ZFHX3: variants seen among roughly 807,000 people sequenced by gnomAD.
ZFHX3 encodes the protein zinc finger homeobox 3, also known as zinc finger homeobox protein 3.
In ZFHX3, 42 loss-of-function variants were observed where a neutral mutation model predicts 279.1. The observed-to-expected ratio is 0.15, with a 90% CI of 0.12 to 0.19. ZFHX3 has a LOEUF of 0.19. Among genes scored for constraint, ZFHX3 ranks in the 10% least tolerant of loss-of-function variants. The pLI is 1.00. For synonymous variants in ZFHX3, 2,293 were observed against 1,957.8 expected, an observed-to-expected ratio of 1.17 and a Z score of -4.52; for missense variants, 4,981 against 4,754.0, an observed-to-expected ratio of 1.05 and a Z score of -1.40.
At chr16:73,600,480 C>T (rs2052100933) in intron 2 of ZFHX3, among the ~76,000 whole-genome samples, 1 of 148,946 alleles carries the variant, frequency 6.7e-6, no homozygotes, top group South Asian at 2.1e-4. Context: ...TGCAGTGGCG[C>T]AATCTCCACT....
chr16:73,212,737 C>T (rs539636765), intron 5 of ZFHX3, among the ~76,000 whole-genome samples: 2 of 152,210 alleles, frequency 1.3e-5, no homozygotes, highest in Non-Finnish European at 2.9e-5. Flanking sequence ...CTCTAAAATT[C>T]TTGCAGAGTA....
intron 2 of ZFHX3, among the ~76,000 whole-genome samples, chr16:73,657,738 C>A (rs1055197724): frequency 2.0e-5 from 3 of 152,124 alleles, no homozygotes; most frequent in African/African-American, 7.2e-5. Context: ...TTTCCCTTTG[C>A]ATAAGGTTTC....
intron 4 of ZFHX3, among the ~76,000 whole-genome samples, chr16:73,309,632 G>A (rs1039460757): frequency 6.6e-6 from 1 of 152,190 alleles, no homozygotes; most frequent in Non-Finnish European, 1.5e-5. Context: ...CTTTTAAGCA[G>A]AGGAGTATTA....
rs555244440 is a variant in ZFHX3 at position 73,580,187 on chromosome 16, A to G, written c.-1547+99993T>C. On this transcript the variant is annotated intron_variant, in intron 2 of 17. Transcript: ENST00000641206. Reference sequence around the variant, plus strand: ...GTTAGCTGGAATTTTTCTTTGTAAGAGAAATTTACTGGCCAGGTGCAGTGG... The same window carrying G: ...GTTAGCTGGAATTTTTCTTTGTAAGGGAAATTTACTGGCCAGGTGCAGTGG... 4.5e-4 allele frequency among the ~76,000 whole-genome samples: 69 copies of G among 151,930 alleles called. 2 individuals are homozygous for G. The highest frequency in any genetic ancestry group is 1.6e-3 in the African/African-American group (65 of 41,320).
chr16:73,854,512 ACT>A (rs1365082780), intron 1 of ZFHX3, among the ~76,000 whole-genome samples: 3 of 152,092 alleles, frequency 2.0e-5, no homozygotes, highest in African/African-American at 7.2e-5. Flanking sequence ...CAACAGCAAG[ACT>A]CTGTCTCATA....
At chr16:73,160,009 T>A (rs1967189868) in intron 5 of ZFHX3, among the ~76,000 whole-genome samples, 1 of 152,194 alleles carries the variant, frequency 6.6e-6, no homozygotes, top group Non-Finnish European at 1.5e-5. Flanking sequence ...GTGGTCCGCC[T>A]GTCTTGGCCT....
In ZFHX3 at chr16:73,241,516, C is replaced by A. The variant is rs1010633992; in HGVS notation, c.-1104+15531G>T. Among the ~76,000 whole-genome samples, 3 of 151,458 alleles carry A rather than the reference C, an allele frequency of 2.0e-5. No homozygotes were observed. In the East Asian group the frequency reaches 5.9e-4, roughly 30 times the overall value. On this transcript the variant is annotated intron_variant, in intron 5 of 17. Coordinates refer to the ZFHX3 transcript ENST00000641206. ...AATAAAAGGAGGGTTGGGGGCCGGG[C>A]GCGGTGGCTCATGCCTGTAATCCCA... is the stretch of plus-strand genomic sequence containing the variant.
At chr16:72,907,419 TC>T (rs1225996568) in intron 3 of ZFHX3, among the ~76,000 whole-genome samples, 53 of 152,072 alleles carry the variant, frequency 3.5e-4, no homozygotes, top group African/African-American at 1.2e-3. Context: ...AAAATTATCC[TC>T]ATCATTCTCT....
chr16:73,321,417 T>C (rs2015572043), intron 3 of ZFHX3, among the ~76,000 whole-genome samples: 1 of 152,168 alleles, frequency 6.6e-6, no homozygotes, highest in Non-Finnish European at 1.5e-5. Flanking sequence ...GAGATTTAAA[T>C]GAGGTAACAG....
At chr16:73,710,554 T>C (rs755635349) in intron 1 of ZFHX3, among the ~76,000 whole-genome samples, 1 of 152,154 alleles carries the variant, frequency 6.6e-6, no homozygotes, top group Non-Finnish European at 1.5e-5. Flanking sequence ...TTCCCTAAAA[T>C]AAAACTAGGC....
intron 3 of ZFHX3, among the ~76,000 whole-genome samples, chr16:73,417,488 T>A (rs990314354): frequency 6.9e-6 from 1 of 144,382 alleles, no homozygotes; most frequent in Non-Finnish European, 1.5e-5. Context: ...TGCCTCAGCC[T>A]CCTGAGTACC....
At chr16:72,947,436 G>A (rs1960739576) in intron 3 of ZFHX3, among the ~76,000 whole-genome samples, 1 of 152,232 alleles carries the variant, frequency 6.6e-6, no homozygotes, top group Non-Finnish European at 1.5e-5. Context: ...GCACTAGCAT[G>A]CGTGACAGCA....
intron 3 of ZFHX3, among the ~76,000 whole-genome samples, chr16:73,418,693 C>G (rs1312465483): frequency 1.3e-5 from 2 of 152,134 alleles, no homozygotes; most frequent in Non-Finnish European, 2.9e-5. Flanking sequence ...GTCCGTATTT[C>G]CAAATGTAAA....
intron 2 of ZFHX3, among the ~76,000 whole-genome samples, chr16:73,659,954 G>A (rs1338557013): frequency 1.3e-5 from 2 of 152,130 alleles, no homozygotes; most frequent in African/African-American, 4.8e-5. Context: ...ATTACGGAAG[G>A]TGTATCATTT....
intron 2 of ZFHX3, among the ~76,000 whole-genome samples, chr16:73,521,121 A>T (rs1368384418): frequency 6.6e-6 from 1 of 152,214 alleles, no homozygotes; most frequent in East Asian, 1.9e-4. Flanking sequence ...AAGGCAGTTA[A>T]GGAATCCCAG....
intron 3 of ZFHX3, among the ~76,000 whole-genome samples, chr16:73,437,572 G>A (rs2018018431): frequency 6.6e-6 from 1 of 152,080 alleles, no homozygotes; most frequent in African/African-American, 2.4e-5. Flanking sequence ...CAGTATTAGT[G>A]TGTGCATTTT....
At chr16:73,229,377 G>T (rs2012700950) in intron 5 of ZFHX3, among the ~76,000 whole-genome samples, 1 of 152,154 alleles carries the variant, frequency 6.6e-6, no homozygotes, top group South Asian at 2.1e-4. Flanking sequence ...AATATATTTT[G>T]AATAAAAGTA....
intron 3 of ZFHX3, among the ~76,000 whole-genome samples, chr16:73,319,158 G>C (rs1390149730): frequency 6.6e-6 from 1 of 152,048 alleles, no homozygotes; most frequent in East Asian, 1.9e-4. Flanking sequence ...TAATAGATGC[G>C]CCATGTGCAA....
intron 1 of ZFHX3, among the ~76,000 whole-genome samples, chr16:73,769,762 A>T (rs1022553766): frequency 1.3e-5 from 2 of 152,182 alleles, no homozygotes; most frequent in Non-Finnish European, 2.9e-5. Flanking sequence ...TATCCTACAA[A>T]TGTACCCAGG....
Sources: gnomAD v4.1 joint callset for allele counts (sites outside exome capture counted in the v4.1 genomes callset) on GRCh38, gnomAD v4.1.1 for gene constraint, MANE v1.5 for transcripts, NCBI Gene and HGNC (gene_info 2026-07-23, HGNC 2026-07-21) for gene names.